The following IL16 variants were observed in gnomAD, a reference collection of about 807,000 sequenced individuals.
IL16 encodes the protein interleukin 16, also known as pro-interleukin-16.
IL16 carries 67 observed loss-of-function variants against 110.1 expected under a neutral mutation model. The observed-to-expected ratio is 0.61, with a 90% confidence interval of 0.50 to 0.75. The LOEUF (loss-of-function observed/expected upper bound fraction) is 0.75, where lower values mean the gene tolerates loss of function less well. Among genes scored for constraint, IL16 ranks in the 30% least tolerant of loss-of-function variants. The pLI is 0.00. For synonymous variants in IL16, 689 were observed against 662.9 expected, an observed-to-expected ratio of 1.04 and a Z score of -0.61; for missense variants, 1,545 against 1,655.0, an observed-to-expected ratio of 0.93 and a Z score of 1.15.
chr15:81,198,689 G>A (rs1895686902), intron 1 of IL16, among the ~76,000 whole-genome samples: 2 of 99,710 alleles, frequency 2.0e-5, no homozygotes, highest in East Asian at 5.0e-4. Context: ...AGTGGCCCAG[G>A]GGTATAGGAG....
chr15:81,265,565 C>G, intron 3 of IL16, 94 bp from the exon 4 acceptor site: 1 of 1,401,412 alleles, frequency 7.1e-7, no homozygotes, highest in Non-Finnish European at 9.8e-7. Context: ...GTCACACTGG[C>G]CCCTGGCTAA....
In IL16 at chr15:81,295,153, G is replaced by A. The variant is rs1342171811; in HGVS notation, c.1903-1775G>A. On this transcript the variant is annotated intron_variant, in intron 12 of 18. Transcript: ENST00000683961. ...CTTAAAAAAACACAACAGGATTTTC[G>A]AAGAATCCTTTCTTAGAAAACAAAC... Among the ~76,000 whole-genome samples, 4 of 152,080 alleles carry A rather than the reference G, an allele frequency of 2.6e-5. 1 individual carries two copies. Among genetic ancestry groups the A allele is most frequent in the South Asian group, 4.2e-4 (2 of 4,808 alleles).
At chr15:81,221,279 C>A (rs1196323244) in intron 1 of IL16, among the ~76,000 whole-genome samples, 1 of 152,044 alleles carries the variant, frequency 6.6e-6, no homozygotes, top group Non-Finnish European at 1.5e-5. Context: ...ATTGTGCTTC[C>A]CCCCCGGAAT....
intron 1 of IL16, among the ~76,000 whole-genome samples, chr15:81,189,013 G>T (rs1422692647): frequency 1.3e-5 from 2 of 152,042 alleles, no homozygotes; most frequent in Non-Finnish European, 2.9e-5. Context: ...TATGATCAAG[G>T]CTCACTGCAG....
chr15:81,273,150 G>A lies in IL16; in HGVS notation c.736G>A (p.Val246Ile), dbSNP rs761815193. 1.3e-4 allele frequency: 208 copies of A among 1,613,604 alleles called. 1 individual carries two copies. The highest frequency in any genetic ancestry group is 8.5e-4 in the South Asian group (77 of 91,058). ...CATTTATGGCCCCATTGGGATTTAC[G>A]TCAAAACCATTTTTGCAGGGGGAGC... is the stretch of plus-strand genomic sequence containing the variant. Reference protein sequence around the residue: ...DSIYGPIGIYVKTIFAGGAAA... With the variant: ...DSIYGPIGIYIKTIFAGGAAA... Residue 246 changes from valine to isoleucine, a missense_variant, in exon 6 of 19, where the codon GTC (valine) becomes ATC (isoleucine). Around this residue, in one of 3 missense-constraint regions of IL16, gnomAD observed 1,185 missense variants for 1,238.8 expected, o/e 0.96. Transcript: ENST00000683961.
At chr15:81,256,690 C>T (rs922970276) in intron 2 of IL16, among the ~76,000 whole-genome samples, 6 of 152,232 alleles carry the variant, frequency 3.9e-5, no homozygotes, top group Non-Finnish European at 8.8e-5. Flanking sequence ...GTGTACACAT[C>T]ATTTACTTAT....
chr15:81,293,136 A>G (rs1336700207), intron 12 of IL16, 99 bp downstream of exon 12: 1 of 1,283,274 alleles, frequency 7.8e-7, no homozygotes, highest in Non-Finnish European at 1.1e-6. Context: ...CCAGAATGAA[A>G]GTTTCTCCTG....
intron 2 of IL16, among the ~76,000 whole-genome samples, chr15:81,231,375 T>TCTCTCTCC (rs1896978729): frequency 6.9e-6 from 1 of 145,118 alleles, no homozygotes; most frequent in Admixed American, 6.8e-5. Flanking sequence ...TCTCTCTCTC[T>TCTCTCTCC]CTCTCTCCCT....
At chr15:81,306,331 CTG>C in intron 17 of IL16, 87 bp from the exon 18 acceptor site, 1 of 1,564,256 alleles carries the variant, frequency 6.4e-7, no homozygotes, top group Non-Finnish European at 8.7e-7. Context: ...AACACGGGGG[CTG>C]TATCACCCCG....
chr15:81,233,588 A>G (rs1291891278), intron 2 of IL16, among the ~76,000 whole-genome samples: 1 of 151,974 alleles, frequency 6.6e-6, no homozygotes, highest in African/African-American at 2.4e-5. Flanking sequence ...GAGAATATAT[A>G]TACATGCATA....
At chr15:81,222,698 C>G (rs1483791417) in intron 1 of IL16, among the ~76,000 whole-genome samples, 1 of 151,858 alleles carries the variant, frequency 6.6e-6, no homozygotes, top group African/African-American at 2.4e-5. Context: ...TACAAATTTC[C>G]AAATGCCTAA....
chr15:81,308,219 T>G (rs915890262), intron 18 of IL16, among the ~76,000 whole-genome samples: 1 of 152,164 alleles, frequency 6.6e-6, no homozygotes, highest in Non-Finnish European at 1.5e-5. Context: ...CCTCACCACA[T>G]GCGGAGAACA....
intron 1 of IL16, among the ~76,000 whole-genome samples, chr15:81,223,187 A>G (rs1212887113): frequency 6.6e-6 from 1 of 152,168 alleles, no homozygotes; most frequent in Non-Finnish European, 1.5e-5. Flanking sequence ...GGCAGACCTG[A>G]TACAACAGTT....
Position 81,313,238 on chromosome 15 carries a change from C to A in IL16, c.*4440C>A. On this transcript the variant is annotated 3_prime_UTR_variant, in exon 19 of 19. Coordinates refer to ENST00000683961, the MANE Select transcript of IL16 (RefSeq NM_172217.5). ...TCGATGAGTCACGGGAGTTCTTTGCCAAGAAGTAACGATAGCATTACTCAT... is the reference window on the plus strand; with the variant it reads ...TCGATGAGTCACGGGAGTTCTTTGCAAAGAAGTAACGATAGCATTACTCAT... The A allele has an allele frequency of 6.5e-7, 1 of 1,529,116 alleles. No individual in the cohort carries two copies. 94.7% of individuals were successfully genotyped at this position (1,529,116 alleles called of 1,614,324 possible).
chr15:81,275,866 A>G (rs1471279704), intron 6 of IL16, among the ~76,000 whole-genome samples: 1 of 152,204 alleles, frequency 6.6e-6, no homozygotes, highest in Non-Finnish European at 1.5e-5. Context: ...CTAATGTTTT[A>G]CTTTTATTCC....
chr15:81,199,119 C>T (rs113413943), intron 1 of IL16, among the ~76,000 whole-genome samples: 3,817 of 148,452 alleles, frequency 0.026, 132 homozygotes, highest in African/African-American at 0.08. Context: ...ATATAGGTTA[C>T]GTTTTGCTAT....
At chr15:81,202,777 A>G (rs1157546325) in intron 1 of IL16, among the ~76,000 whole-genome samples, 3 of 152,174 alleles carry the variant, frequency 2.0e-5, no homozygotes, top group Non-Finnish European at 4.4e-5. Context: ...TAGTGCCCCA[A>G]TAAACATACG....
chr15:81,224,289 A>C (rs1377399057), intron 1 of IL16, among the ~76,000 whole-genome samples: 1 of 152,222 alleles, frequency 6.6e-6, no homozygotes, highest in East Asian at 1.9e-4. Flanking sequence ...ATGGGCCAAG[A>C]GCATCCCACA....
intron 1 of IL16, among the ~76,000 whole-genome samples, chr15:81,224,872 G>A (rs1896735422): frequency 6.6e-6 from 1 of 152,094 alleles, no homozygotes; most frequent in African/African-American, 2.4e-5. Flanking sequence ...TCCCATCTTT[G>A]GTCTGCTCTA....
Sources: allele counts gnomAD v4.1 joint callset (sites outside exome capture counted in the v4.1 genomes callset), GRCh38; gene constraint gnomAD v4.1.1; regional missense constraint gnomAD v4.1.1; transcripts MANE v1.5; gene names NCBI Gene and HGNC (gene_info 2026-07-23, HGNC 2026-07-21).